FAM217A: variants seen among roughly 807,000 people sequenced by gnomAD.
The protein encoded by FAM217A is protein FAM217A.
FAM217A carries 13 observed loss-of-function variants against 18.5 expected under a neutral mutation model. That is an observed-to-expected ratio of 0.70 (90% CI 0.46 to 1.12). FAM217A has a LOEUF of 1.12. Ranked by LOEUF, FAM217A falls within the 50% of genes most tolerant of loss-of-function variation. The pLI, the probability that FAM217A is intolerant of heterozygous loss-of-function variation, is 0.00. For missense variants in FAM217A, 560 were observed against 575.4 expected (o/e 0.97, Z 0.27); for synonymous variants, 161 against 202.8 (o/e 0.79, Z 1.75).
upstream of FAM217A, chr6:4,079,614 GC>G: frequency 7.8e-7 from 1 of 1,284,404 alleles, no homozygotes; most frequent in Non-Finnish European, 1.0e-6. Context: ...GGGACCCGGG[GC>G]CCGGCCCACC....
At chr6:4,081,675 C>T (rs1203802996), upstream of FAM217A, among the ~76,000 whole-genome samples, 4 of 152,198 alleles carry the variant, frequency 2.6e-5, no homozygotes, top group African/African-American at 2.4e-5. Flanking sequence ...CCTTTTCCAC[C>T]TTACAATTAC....
At position 4,068,729 on chromosome 6, in the gene FAM217A, C is replaced by G. The variant is rs775462401; in HGVS notation, c.1494G>C (p.Lys498Asn). The stretch of plus-strand genomic sequence containing the variant: ...GTTCAATGGGTGAGCAGCACTTATC[C>G]TTAGCAATAAGGGAAGGCGACAAAC... Reference protein sequence around the residue: ...LNCLSPSLIAKDKCCSPIEQK With the variant: ...LNCLSPSLIANDKCCSPIEQK Residue 498 changes from lysine to asparagine, a missense_variant, in exon 7 of 7, where the codon AAG becomes AAC. Lys to Asn is a moderately conservative substitution (Grantham distance 94). Transcript: ENST00000274673. 1.7e-5 allele frequency: 28 copies of G among 1,610,444 alleles called. No individual in the cohort carries two copies. Among genetic ancestry groups the G allele is most frequent in the Non-Finnish European group, 1.8e-5 (21 of 1,179,282 alleles).
chr6:4,085,555 T>C (rs1021040460), intron 1 of FAM217A, among the ~76,000 whole-genome samples: 5 of 152,060 alleles, frequency 3.3e-5, no homozygotes, highest in African/African-American at 1.2e-4. Flanking sequence ...GCTTAAAACA[T>C]GGTTTGTTCT....
chr6:4,072,295 G>A (rs935372334), intron 6 of FAM217A, among the ~76,000 whole-genome samples: 5 of 151,984 alleles, frequency 3.3e-5, no homozygotes, highest in African/African-American at 4.8e-5. Flanking sequence ...AGCTGAGATC[G>A]TGCCATTGCA....
upstream of FAM217A, among the ~76,000 whole-genome samples, chr6:4,082,295 G>T (rs1770352170): frequency 6.6e-6 from 1 of 152,152 alleles, no homozygotes; most frequent in South Asian, 2.1e-4. Flanking sequence ...CAAAGAAAAT[G>T]CACCTTCCTT....
chr6:4,076,761 G>C (rs574728828), intron 2 of FAM217A, among the ~76,000 whole-genome samples: 1 of 152,128 alleles, frequency 6.6e-6, no homozygotes, highest in South Asian at 2.1e-4. Flanking sequence ...CCAGCTACTC[G>C]GGAGGCTGAG....
rs757857338 is a variant in FAM217A at position 4,069,803 on chromosome 6, G to T, written c.420C>A (p.Tyr140Ter). 1 of 1,614,178 alleles carries T rather than the reference G, an allele frequency of 6.2e-7. No individual in the cohort carries two copies. The highest frequency in any genetic ancestry group is 8.5e-7 in the Non-Finnish European group (1 of 1,180,034). Residue 140 changes from tyrosine (Y) to a stop codon, truncating the protein, a stop_gained, in exon 7 of 7, where the codon TAC becomes TAA. Coordinates refer to ENST00000274673, the MANE Select transcript of FAM217A (RefSeq NM_173563.3). LOFTEE classifies it low-confidence loss of function (END_TRUNC). Reference sequence around the variant, plus strand: ...GACCTAATGGCATTGGCAGTCCAGGGTAAGGACCAACTTGCTTATCAACTG... The same window carrying T: ...GACCTAATGGCATTGGCAGTCCAGGTTAAGGACCAACTTGCTTATCAACTG... ...IASVDKQVGP[Y>*]PGLPMPLGLC...
chr6:4,081,980 C>CT (rs200085493), upstream of FAM217A, among the ~76,000 whole-genome samples: 687 of 151,802 alleles, frequency 4.5e-3, 18 homozygotes, highest in Admixed American at 0.03. Context: ...CTCTAAGATT[C>CT]TTTTTTTTTC....
chr6:4,069,388 C>T lies in FAM217A; in HGVS notation c.835G>A (p.Ala279Thr), dbSNP rs1299309560. ...SDNWKVTVDP[A>T]ETSVEHLITR... ...ATCAAGTGTTCAACAGAGGTTTCTGCAGGGTCCACTGTCACTTTCCAATTG... is the reference window on the plus strand; with the variant it reads ...ATCAAGTGTTCAACAGAGGTTTCTGTAGGGTCCACTGTCACTTTCCAATTG... The change falls in exon 7 of 7, where the codon GCA becomes ACA. Residue 279 changes from alanine to threonine, a missense_variant. Physicochemically the swap from Ala to Thr is moderately conservative, Grantham distance 58. Coordinates refer to ENST00000274673, the MANE Select transcript of FAM217A (RefSeq NM_173563.3). The T allele has an allele frequency of 1.2e-6, 2 of 1,613,998 alleles. No homozygotes were observed. The highest frequency in any genetic ancestry group is 1.7e-5 in the Admixed American group (1 of 59,994).
chr6:4,073,042 T>C (rs1381329848), intron 6 of FAM217A, among the ~76,000 whole-genome samples: 2 of 152,220 alleles, frequency 1.3e-5, no homozygotes, highest in Non-Finnish European at 2.9e-5. Flanking sequence ...TTTATCCATC[T>C]AAAACCTTCA....
intron 2 of FAM217A, among the ~76,000 whole-genome samples, chr6:4,076,052 C>T (rs974913908): frequency 7.3e-5 from 11 of 149,666 alleles, no homozygotes; most frequent in South Asian, 2.1e-4. Flanking sequence ...GAGGGCCGGG[C>T]GCAGTGGCTC....
At chr6:4,078,374 C>A (rs945403363) in intron 1 of FAM217A, among the ~76,000 whole-genome samples, 1 of 152,086 alleles carries the variant, frequency 6.6e-6, no homozygotes, top group African/African-American at 2.4e-5. Flanking sequence ...TTAAAGCCAC[C>A]GCAGTAATCG....
intron 2 of FAM217A, among the ~76,000 whole-genome samples, chr6:4,076,077 C>T (rs1769774070): frequency 1.3e-5 from 2 of 148,688 alleles, no homozygotes; most frequent in Non-Finnish European, 3.0e-5. Context: ...GGCAGTAATC[C>T]CAGCATTTTG....
Position 4,079,067 on chromosome 6 carries a change from G to T in FAM217A, c.-250C>A, listed in dbSNP as rs1443990990. The stretch of plus-strand genomic sequence containing the variant: ...TGCGAAGCCCGCGGGCCGGCGCAGG[G>T]GTGGGAGTCGGGCCCGGGGCCCAGA... On this transcript the variant is annotated 5_prime_UTR_variant, in exon 1 of 7. Transcript: ENST00000274673. 8.2e-6 allele frequency: 3 copies of T among 364,938 alleles called. No homozygotes were observed. The highest frequency in any genetic ancestry group is 4.1e-5 in the East Asian group (1 of 24,204). The allele number at this position is 364,938 out of a possible 1,614,324, so 22.6% of individuals were successfully genotyped here. A position where few individuals can be genotyped will look rare whatever the true frequency, so the allele number is the denominator to read the frequency against.
upstream of FAM217A, among the ~76,000 whole-genome samples, chr6:4,081,935 G>C (rs1770327172): frequency 6.6e-6 from 1 of 152,118 alleles, no homozygotes; most frequent in Admixed American, 6.5e-5. Context: ...TGATCCCTTA[G>C]AGTCCTTGTG....
Position 4,069,583 on chromosome 6 carries a change from T to C in FAM217A, c.640A>G (p.Thr214Ala). The change falls in exon 7 of 7, where the codon ACT becomes GCT. Residue 214 changes from threonine (T) to alanine (A), a missense_variant. Transcript: ENST00000274673. ...ACCTTTTTAAAATAGCTGAGTAAAG[T>C]ATCATTTGTCTTCTCATTTTCTGAT... Reference protein sequence around the residue: ...DLSENEKTNDTLLSYFKKVDL... With the variant: ...DLSENEKTNDALLSYFKKVDL... The C allele has an allele frequency of 1.9e-6, 3 of 1,614,134 alleles. No individual in the cohort carries two copies. Among genetic ancestry groups the C allele is most frequent in the Non-Finnish European group, 2.5e-6 (3 of 1,180,012 alleles).
chr6:4,080,111 A>G (rs1409728082), upstream of FAM217A, among the ~76,000 whole-genome samples: 1 of 152,182 alleles, frequency 6.6e-6, no homozygotes, highest in Non-Finnish European at 1.5e-5. Flanking sequence ...GATCACGGCC[A>G]TGTCCCTCTG....
chr6:4,078,855 G>A lies in FAM217A; in HGVS notation c.-38C>T. Reference sequence around the variant, plus strand: ...GGGGCCGGGGCTCTCAACCCACCGCGCGAAGGCCCACGTGTCCTCCCCGGC... The same window carrying A: ...GGGGCCGGGGCTCTCAACCCACCGCACGAAGGCCCACGTGTCCTCCCCGGC... On this transcript the variant is annotated 5_prime_UTR_variant, in exon 1 of 7. Coordinates refer to ENST00000274673, the MANE Select transcript of FAM217A (RefSeq NM_173563.3). 1 of 470,434 alleles carries A rather than the reference G, an allele frequency of 2.1e-6. No individual in the cohort carries two copies. Among genetic ancestry groups the A allele is most frequent in the East Asian group, 3.5e-5 (1 of 28,388 alleles). 29.1% of individuals were successfully genotyped at this position (470,434 alleles called of 1,614,324 possible). A position where few individuals can be genotyped will look rare whatever the true frequency, so the allele number is the denominator to read the frequency against.
At chr6:4,074,368 A>C in intron 4 of FAM217A, 75 bp downstream of exon 4, 2 of 1,312,782 alleles carry the variant, frequency 1.5e-6, no homozygotes, top group Non-Finnish European at 2.1e-6. Flanking sequence ...TCAGGAAGAA[A>C]ATTTTTTTAA....
Sources: gnomAD v4.1 joint callset for allele counts (sites outside exome capture counted in the v4.1 genomes callset) on GRCh38, gnomAD v4.1.1 for gene constraint, MANE v1.5 for transcripts, NCBI Gene and HGNC (gene_info 2026-07-23, HGNC 2026-07-21) for gene names.